ATXN7: variants seen among roughly 807,000 people sequenced by gnomAD.
The protein encoded by ATXN7 is ataxin-7.
A neutral mutation model predicts 70.5 loss-of-function variants in ATXN7; 12 were observed. That is an observed-to-expected ratio of 0.17 (90% CI 0.11 to 0.28). The LOEUF (loss-of-function observed/expected upper bound fraction) is 0.28. Among genes scored for constraint, ATXN7 ranks in the 10% least tolerant of loss-of-function variants. The pLI is 1.00. For synonymous variants in ATXN7, 498 were observed against 448.7 expected, an observed-to-expected ratio of 1.11 and a Z score of -1.39; for missense variants, 1,256 against 1,131.7, an observed-to-expected ratio of 1.11 and a Z score of -1.58.
At chr3:63,973,745 C>T (rs912184873) in intron 5 of ATXN7, among the ~76,000 whole-genome samples, 3 of 151,864 alleles carry the variant, frequency 2.0e-5, no homozygotes, top group Non-Finnish European at 2.9e-5. Flanking sequence ...GCAATGAAAA[C>T]GGCTTTCAAG....
intron 5 of ATXN7, among the ~76,000 whole-genome samples, chr3:63,979,660 C>G (rs1432115466): frequency 1.3e-5 from 2 of 152,076 alleles, no homozygotes; most frequent in African/African-American, 4.8e-5. Context: ...CGATGGTTGT[C>G]TAATTTCCTG....
chr3:63,942,205 C>G (rs1234001171), intron 4 of ATXN7, among the ~76,000 whole-genome samples: 1 of 152,112 alleles, frequency 6.6e-6, no homozygotes, highest in African/African-American at 2.4e-5. Flanking sequence ...AAGAAGGGCA[C>G]TGAGTAGTGG....
chr3:63,865,943 G>A (rs1260187997), intron 1 of ATXN7, among the ~76,000 whole-genome samples: 1 of 144,830 alleles, frequency 6.9e-6, no homozygotes, highest in African/African-American at 2.6e-5. Context: ...ATTGTCATGT[G>A]GTGAAAAGTT....
chr3:63,899,811 G>C (rs1260367226), intron 2 of ATXN7, among the ~76,000 whole-genome samples: 1 of 152,036 alleles, frequency 6.6e-6, no homozygotes, highest in Non-Finnish European at 1.5e-5. Flanking sequence ...TAGACACGGG[G>C]TTTCGCCGTG....
chr3:63,973,160 C>G (rs2075341175), intron 5 of ATXN7, among the ~76,000 whole-genome samples: 1 of 152,148 alleles, frequency 6.6e-6, no homozygotes, highest in Non-Finnish European at 1.5e-5. Flanking sequence ...GGATATGAAC[C>G]CACATATCCC....
At chr3:63,884,066 A>G (rs780863092) in intron 1 of ATXN7, among the ~76,000 whole-genome samples, 3 of 152,196 alleles carry the variant, frequency 2.0e-5, no homozygotes, top group Non-Finnish European at 2.9e-5. Context: ...TTAAAGTGTC[A>G]AACATTAAGA....
chr3:63,938,967 T>G (rs1419681974), intron 4 of ATXN7, among the ~76,000 whole-genome samples: 1 of 152,176 alleles, frequency 6.6e-6, no homozygotes, highest in Non-Finnish European at 1.5e-5. Context: ...TATTGATACT[T>G]AGTATGTGTG....
chr3:63,990,633 C>T, intron 10 of ATXN7, 105 bp from the exon 11 acceptor site: 1 of 1,542,524 alleles, frequency 6.5e-7, no homozygotes. Context: ...TACTCAGAGG[C>T]AGTTCTGTCT....
intron 1 of ATXN7, among the ~76,000 whole-genome samples, chr3:63,879,678 G>A (rs901184118): frequency 2.6e-5 from 4 of 151,788 alleles, no homozygotes; most frequent in Admixed American, 6.6e-5. Flanking sequence ...TTTTAGTAGA[G>A]ACGGGGTTTC....
chr3:63,917,171 C>T (rs775824665), intron 4 of ATXN7, among the ~76,000 whole-genome samples: 3 of 152,252 alleles, frequency 2.0e-5, no homozygotes, highest in East Asian at 1.9e-4. Flanking sequence ...CCACCCACCT[C>T]GGCCTCCCAA....
At chr3:63,967,010 C>A (rs1220044849) in intron 5 of ATXN7, among the ~76,000 whole-genome samples, 8 of 152,080 alleles carry the variant, frequency 5.3e-5, no homozygotes, top group Non-Finnish European at 1.5e-5. Flanking sequence ...AGTGCGGTGG[C>A]ACAGTCATAG....
chr3:63,912,516 G>T, intron 2 of ATXN7, 72 bp from the exon 3 acceptor site: 1 of 985,794 alleles, frequency 1.0e-6, no homozygotes, highest in Non-Finnish European at 1.2e-6. Flanking sequence ...GCACGCCGCC[G>T]GAACTCCCTG....
intron 4 of ATXN7, among the ~76,000 whole-genome samples, chr3:63,916,954 C>G (rs1704294818): frequency 6.6e-6 from 1 of 151,990 alleles, no homozygotes; most frequent in Non-Finnish European, 1.5e-5. Flanking sequence ...CGCTGTGTCG[C>G]CCAGGCTGGA....
rs1318660730 is a variant in ATXN7 at position 63,999,691 on chromosome 3, C to T, written c.*224C>T. 2.1e-5 allele frequency: 16 copies of T among 762,452 alleles called. No individual in the cohort carries two copies. The highest frequency in any genetic ancestry group is 5.2e-5 in the African/African-American group (3 of 57,306). 47.2% of individuals were successfully genotyped at this position (762,452 alleles called of 1,614,324 possible). ...AGGACACTGGATCAAGTTCAGCCAC[C>T]GAATTGCTTTTATCAGTGTTAAAGT... On this transcript the variant is annotated 3_prime_UTR_variant, in exon 13 of 13. Coordinates refer to ENST00000674280, the MANE Select transcript of ATXN7 (RefSeq NM_001377405.1).
At chr3:63,967,477 T>G (rs1346334550) in intron 5 of ATXN7, among the ~76,000 whole-genome samples, 4 of 152,218 alleles carry the variant, frequency 2.6e-5, no homozygotes, top group East Asian at 3.9e-4. Flanking sequence ...TGTTTAACTT[T>G]AAGACCTTTA....
At chr3:63,940,987 G>A (rs1260135738) in intron 4 of ATXN7, among the ~76,000 whole-genome samples, 3 of 152,132 alleles carry the variant, frequency 2.0e-5, no homozygotes, top group Non-Finnish European at 4.4e-5. Context: ...AACCTGTCGT[G>A]TGTACTGCCA....
chr3:63,917,418 G>T (rs1704325908), intron 4 of ATXN7, among the ~76,000 whole-genome samples: 1 of 152,114 alleles, frequency 6.6e-6, no homozygotes, highest in South Asian at 2.1e-4. Flanking sequence ...ACTGATTAGG[G>T]TTTCTATATT....
chr3:63,877,638 T>C (rs1407576663), intron 1 of ATXN7, among the ~76,000 whole-genome samples: 1 of 152,244 alleles, frequency 6.6e-6, no homozygotes, highest in African/African-American at 2.4e-5. Context: ...AAATGCCTGC[T>C]GGTTGCAGAG....
chr3:63,889,362 A>G (rs748616009), intron 1 of ATXN7, among the ~76,000 whole-genome samples: 53 of 152,248 alleles, frequency 3.5e-4, no homozygotes, highest in Non-Finnish European at 6.9e-4. Context: ...TTTTTGGAAC[A>G]TGATATTTAA....
Sources: gnomAD v4.1 joint callset for allele counts (sites outside exome capture counted in the v4.1 genomes callset) on GRCh38, gnomAD v4.1.1 for gene constraint, MANE v1.5 for transcripts, NCBI Gene and HGNC (gene_info 2026-07-23, HGNC 2026-07-21) for gene names.